Variants in GRM1 observed in about 807,000 individuals in gnomAD.
GRM1 encodes the protein glutamate metabotropic receptor 1, also known as metabotropic glutamate receptor 1.
Under a neutral mutation model 90.9 loss-of-function variants are expected in GRM1, and 33 were observed. The observed-to-expected ratio is 0.36, with a 90% CI of 0.28 to 0.49. The LOEUF (loss-of-function observed/expected upper bound fraction) is 0.49, where lower values mean the gene tolerates loss of function less well. GRM1 is among the 20% of genes least tolerant of loss of function. GRM1 has a pLI of 0.99. For synonymous variants in GRM1, 700 were observed against 613.2 expected (o/e 1.14, Z -2.09); for missense variants, 1,190 against 1,534.3 (o/e 0.78, Z 3.75).
intron 2 of GRM1, among the ~76,000 whole-genome samples, chr6:146,179,605 C>G (rs1350239600): frequency 6.6e-6 from 1 of 152,146 alleles, no homozygotes; most frequent in Non-Finnish European, 1.5e-5. Flanking sequence ...GCTCCGTCTC[C>G]CGGGTTCACG....
chr6:146,417,818 T>C (rs1777841711), intron 7 of GRM1, among the ~76,000 whole-genome samples: 1 of 152,194 alleles, frequency 6.6e-6, no homozygotes, highest in Non-Finnish European at 1.5e-5. Flanking sequence ...TTTGGCAAGT[T>C]GTTTTCATCA....
intron 1 of GRM1, among the ~76,000 whole-genome samples, chr6:146,142,721 T>G (rs1246766254): frequency 6.8e-6 from 1 of 147,746 alleles, no homozygotes; most frequent in Admixed American, 6.7e-5. Context: ...CTATGTTCAC[T>G]CAAGCCCTAC....
intron 1 of GRM1, among the ~76,000 whole-genome samples, chr6:146,125,145 A>G (rs1216092638): frequency 6.6e-6 from 1 of 152,136 alleles, no homozygotes; most frequent in Non-Finnish European, 1.5e-5. Context: ...GGAATCTGGA[A>G]TTAAGCTTGA....
At chr6:146,189,339 C>T (rs537635161) in intron 2 of GRM1, among the ~76,000 whole-genome samples, 83 of 152,300 alleles carry the variant, frequency 5.4e-4, no homozygotes, top group African/African-American at 1.9e-3. Context: ...TCGCTCAACT[C>T]TGGGTTAAGC....
intron 2 of GRM1, among the ~76,000 whole-genome samples, chr6:146,211,825 T>C (rs747708588): frequency 7.2e-5 from 11 of 152,232 alleles, no homozygotes; most frequent in Non-Finnish European, 1.5e-4. Flanking sequence ...CTGACTGGCT[T>C]GTGTTTCAGG....
chr6:146,215,328 T>A (rs1345858834), intron 2 of GRM1, among the ~76,000 whole-genome samples: 1 of 152,210 alleles, frequency 6.6e-6, no homozygotes, highest in Non-Finnish European at 1.5e-5. Flanking sequence ...TATTTTTCCA[T>A]CTATGTCAGT....
At chr6:146,273,510 C>A (rs773860565) in intron 2 of GRM1, among the ~76,000 whole-genome samples, 41 of 152,294 alleles carry the variant, frequency 2.7e-4, no homozygotes, top group African/African-American at 6.3e-4. Flanking sequence ...CCTAAAATCT[C>A]AGCTAAATGT....
chr6:146,316,692 G>A (rs1783982813), intron 3 of GRM1, among the ~76,000 whole-genome samples: 1 of 152,076 alleles, frequency 6.6e-6, no homozygotes, highest in Non-Finnish European at 1.5e-5. Flanking sequence ...CTCTTATTTC[G>A]CATCATCATC....
At position 146,270,847 on chromosome 6, in the gene GRM1, C is replaced by T. The variant is rs922617727; in HGVS notation, c.951-33764C>T. Among the ~76,000 whole-genome samples, 252 of 128,014 alleles carry T rather than the reference C, an allele frequency of 2.0e-3. 2 individuals carry two copies. Among genetic ancestry groups the T allele is most frequent in the Middle Eastern group, 8.9e-3 (2 of 224 alleles). The allele number at this position is 128,014 out of a possible 152,430, so 84.0% of individuals were successfully genotyped here. ...CCTGCCTGCCTGCCTGCCTTTCTTTCTTTTTCTTTCTTTCTTTCTTTCTTT... is the reference window on the plus strand; with the variant it reads ...CCTGCCTGCCTGCCTGCCTTTCTTTTTTTTTCTTTCTTTCTTTCTTTCTTT... On this transcript the variant is annotated intron_variant, in intron 2 of 7. Transcript: ENST00000282753.
chr6:146,247,333 A>G lies in GRM1; in HGVS notation c.951-57278A>G, dbSNP rs559341959. ...ATCATTAGTGACCTGGCTGCCACTA[A>G]CCTAGTGATACAGCTGCATGGTACA... is the stretch of plus-strand genomic sequence containing the variant. On this transcript the variant is annotated intron_variant, in intron 2 of 7. Transcript: ENST00000282753. Among the ~76,000 whole-genome samples the G allele has an allele frequency of 2.6e-5, 4 of 152,266 alleles. No homozygotes were observed. The South Asian group carries it at 8.3e-4, about 32-fold the overall frequency.
chr6:146,386,390 T>C (rs1246402285), intron 5 of GRM1, among the ~76,000 whole-genome samples: 2 of 152,138 alleles, frequency 1.3e-5, no homozygotes, highest in East Asian at 3.9e-4. Flanking sequence ...ATTCTGTTTT[T>C]ATGTATATAT....
In GRM1 at chr6:146,270,873, C is replaced by CT. The variant is rs1252482144; in HGVS notation, c.951-33735dup. 3.1e-4 allele frequency among the ~76,000 whole-genome samples: 27 copies of CT among 85,908 alleles called. 1 individual carries two copies. Among genetic ancestry groups the CT allele is most frequent in the African/African-American group, 1.5e-3 (26 of 16,916 alleles). The allele number at this position is 85,908 out of a possible 152,430, so 56.4% of individuals were successfully genotyped here. On this transcript the variant is annotated intron_variant, in intron 2 of 7. Coordinates refer to ENST00000282753, the MANE Select transcript of GRM1 (RefSeq NM_001278064.2). ...TTTTTCTTTCTTTCTTTCTTTCTTT[C>CT]TTTCTTTCTTTCTTTCTTTCTTTCT...
chr6:146,220,732 C>T (rs956973022), intron 2 of GRM1, among the ~76,000 whole-genome samples: 1 of 152,026 alleles, frequency 6.6e-6, no homozygotes, highest in African/African-American at 2.4e-5. Flanking sequence ...TCCCTGTCCT[C>T]ATAGAGTTAC....
At chr6:146,159,279 G>T in intron 1 of GRM1, 69 bp from the exon 2 acceptor site, 1 of 1,595,720 alleles carries the variant, frequency 6.3e-7, no homozygotes, top group South Asian at 1.1e-5. Context: ...CTAACAAGTT[G>T]TTATTCCATT....
At chr6:146,151,373 A>G (rs1777329012) in intron 1 of GRM1, among the ~76,000 whole-genome samples, 1 of 152,230 alleles carries the variant, frequency 6.6e-6, no homozygotes, top group Non-Finnish European at 1.5e-5. Context: ...TGACCAAGAA[A>G]GTGTTTGAAG....
At chr6:146,342,964 T>C (rs534348047) in intron 3 of GRM1, among the ~76,000 whole-genome samples, 12 of 152,268 alleles carry the variant, frequency 7.9e-5, no homozygotes, top group South Asian at 2.1e-4. Flanking sequence ...TTTTTTCAGA[T>C]TTCATCTTTT....
At chr6:146,162,273 G>C (rs1259258449) in intron 2 of GRM1, among the ~76,000 whole-genome samples, 1 of 152,082 alleles carries the variant, frequency 6.6e-6, no homozygotes, top group Non-Finnish European at 1.5e-5. Context: ...TTTTCATATA[G>C]TAAATCATGG....
chr6:146,318,778 T>G (rs984448191), intron 3 of GRM1, among the ~76,000 whole-genome samples: 1 of 152,100 alleles, frequency 6.6e-6, no homozygotes, highest in African/African-American at 2.4e-5. Flanking sequence ...TTTTTCATGT[T>G]TGTTGGCCAC....
At chr6:146,059,711 T>C (rs916206387) in intron 1 of GRM1, among the ~76,000 whole-genome samples, 4 of 152,178 alleles carry the variant, frequency 2.6e-5, no homozygotes, top group African/African-American at 9.6e-5. Context: ...TCAATTATCT[T>C]ATGTAGATCT....
Sources: gnomAD v4.1 joint callset for allele counts (sites outside exome capture counted in the v4.1 genomes callset) on GRCh38, gnomAD v4.1.1 for gene constraint, MANE v1.5 for transcripts, NCBI Gene and HGNC (gene_info 2026-07-23, HGNC 2026-07-21) for gene names.